Variants in HMCN2 observed in about 807,000 individuals in gnomAD.
HMCN2 encodes the protein hemicentin-2.
HMCN2 carries 325 observed loss-of-function variants against 377.5 expected under a neutral mutation model. The observed-to-expected ratio is 0.86, with a 90% CI of 0.79 to 0.94. The LOEUF (loss-of-function observed/expected upper bound fraction) is 0.94, where lower values mean the gene tolerates loss of function less well. Ranked by LOEUF, HMCN2 falls within the 40% of genes least tolerant of loss-of-function variation. HMCN2 has a pLI of 0.00. For missense variants in HMCN2, 4,543 were observed against 4,725.3 expected (o/e 0.96, Z 1.13); for synonymous variants, 2,007 against 2,046.8 (o/e 0.98, Z 0.53).
intron 4 of HMCN2, among the ~76,000 whole-genome samples, chr9:130,293,791 G>A (rs1004615068): frequency 6.6e-6 from 1 of 152,204 alleles, no homozygotes; most frequent in Non-Finnish European, 1.5e-5. Context: ...GGCCAGTAAG[G>A]ATGAGAAGCC....
chr9:130,425,839 G>A lies in HMCN2; in HGVS notation c.13794G>A (p.Gln4598=), dbSNP rs1844314608. ...GGGGCCCCCAGCCCCAGCTGGTGCA[G>A]CACCTGCGGGCCTCAGCTATCAGCT... is the stretch of plus-strand genomic sequence containing the variant. ...AARGPQPQLV[Q]HLRASAISSA... is the part of the protein sequence containing the mutation. The change falls in exon 90 of 98, where the codon CAG becomes CAA. Residue 4598 remains glutamine (Q), a synonymous_variant. Coordinates refer to ENST00000683500, the MANE Select transcript of HMCN2 (RefSeq NM_001291815.2). 1.9e-6 allele frequency: 3 copies of A among 1,550,470 alleles called. No individual in the cohort carries two copies. The highest frequency in any genetic ancestry group is 2.6e-6 in the Non-Finnish European group (3 of 1,146,970).
chr9:130,405,136 A>G (rs2131730148), intron 81 of HMCN2, 77 bp downstream of exon 81: 2 of 1,024,516 alleles, frequency 2.0e-6, no homozygotes, highest in African/African-American at 3.4e-5. Flanking sequence ...GCTGAGCACT[A>G]TGCAGCCTTT....
In HMCN2 at chr9:130,428,538, G is replaced by A. The variant is rs983096952; in HGVS notation, c.14197+49G>A. ...CTGTCCATACTCCTGGAAACCCAGA[G>A]GTTGCCAGGGATCAGCTGACAGGGG... On this transcript the variant is annotated intron_variant, in intron 93 of 97. Transcript: ENST00000683500. This position sits in a 1 kb window ranked among gnomAD's most constrained non-coding sequence, Gnocchi z 5.0. The A allele has an allele frequency of 1.3e-6, 2 of 1,531,076 alleles. No individual in the cohort carries two copies. The highest frequency in any genetic ancestry group is 2.7e-5 in the African/African-American group (2 of 72,952). 94.8% of individuals were successfully genotyped at this position (1,531,076 alleles called of 1,614,324 possible).
intron 22 of HMCN2, among the ~76,000 whole-genome samples, chr9:130,328,438 GA>G (rs1220872162): frequency 3.9e-5 from 6 of 152,154 alleles, no homozygotes; most frequent in Non-Finnish European, 8.8e-5. Context: ...ACTGAAACGG[GA>G]ACCGCATTCC....
At chr9:130,273,493 T>C (rs2131223953) in intron 1 of HMCN2, among the ~76,000 whole-genome samples, 1 of 152,246 alleles carries the variant, frequency 6.6e-6, no homozygotes, top group Admixed American at 6.5e-5. Context: ...AGTTATCTTG[T>C]CTTGCTTTTT....
At chr9:130,416,342 T>C (rs1426699026) in intron 85 of HMCN2, among the ~76,000 whole-genome samples, 1 of 152,078 alleles carries the variant, frequency 6.6e-6, no homozygotes, top group Non-Finnish European at 1.5e-5. Context: ...TGACTTAAGG[T>C]GATCCACCCG....
chr9:130,412,467 A>T (rs1843471384), intron 85 of HMCN2, among the ~76,000 whole-genome samples: 1 of 151,986 alleles, frequency 6.6e-6, no homozygotes, highest in Non-Finnish European at 1.5e-5. Context: ...AAATTTATCC[A>T]TTGTGTATTT....
At chr9:130,419,428 G>C (rs915869868) in intron 86 of HMCN2, 1 of 167,556 alleles carries the variant, frequency 6.0e-6, no homozygotes, top group Non-Finnish European at 1.3e-5. Context: ...TTGCCTGGCC[G>C]TGGCAGGTGG....
intron 15 of HMCN2, among the ~76,000 whole-genome samples, chr9:130,314,974 G>C (rs1250885426): frequency 6.6e-6 from 1 of 151,882 alleles, no homozygotes; most frequent in Admixed American, 6.5e-5. Flanking sequence ...GCAGGCGCAG[G>C]GGAGTCACCA....
chr9:130,266,276 C>A (rs1554918983), intron 1 of HMCN2, 139 bp downstream of exon 1: 1 of 357,084 alleles, frequency 2.8e-6, no homozygotes, highest in Non-Finnish European at 5.5e-6. Flanking sequence ...TCGGCATATC[C>A]GCGCTGCGGG....
intron 41 of HMCN2, 21 bp downstream of exon 41, chr9:130,364,910 C>A (rs948849623): frequency 6.1e-6 from 6 of 985,578 alleles, no homozygotes; most frequent in Non-Finnish European, 7.2e-6. Context: ...CCCTGGCCAG[C>A]CAAGCAGGCC....
Position 130,359,382 on chromosome 9 carries a change from T to C in HMCN2, c.5741T>C (p.Leu1914Ser), listed in dbSNP as rs1389019834. Residue 1914 changes from leucine to serine, a missense_variant, in exon 37 of 98, where the codon TTG becomes TCG. Physicochemically the swap from Leu to Ser is moderately radical, Grantham distance 145. This residue lies in a region of HMCN2 where 1,032 missense variants were observed against 1,285.1 expected (regional missense o/e 0.80). Coordinates refer to ENST00000683500, the MANE Select transcript of HMCN2 (RefSeq NM_001291815.2). The part of the protein sequence containing the change: ...KAVLENASVT[L>S]ECLASGVPPP... ...GTGCTGGAAAATGCCTCAGTGACCT[T>C]GGAGTGTCTGGCTTCGGGCGTGCCC... 5 of 1,303,718 alleles carry C rather than the reference T, an allele frequency of 3.8e-6. No individual in the cohort carries two copies. In the Admixed American group the frequency reaches 9.2e-5, roughly 24 times the overall value. The allele number at this position is 1,303,718 out of a possible 1,614,324, so 80.8% of individuals were successfully genotyped here.
intron 22 of HMCN2, among the ~76,000 whole-genome samples, chr9:130,335,863 C>T (rs1346161431): frequency 1.5e-4 from 23 of 152,286 alleles, no homozygotes; most frequent in African/African-American, 4.6e-4. Context: ...TCCCTGGAGG[C>T]GGTTCCGCAG....
chr9:130,305,458 A>G (rs1836797262), intron 11 of HMCN2, among the ~76,000 whole-genome samples: 1 of 152,172 alleles, frequency 6.6e-6, no homozygotes, highest in Non-Finnish European at 1.5e-5. Context: ...TGGGAGTTTT[A>G]AGAACCCAGA....
chr9:130,283,963 G>A (rs1835279672), intron 1 of HMCN2, among the ~76,000 whole-genome samples: 1 of 152,196 alleles, frequency 6.6e-6, no homozygotes, highest in Non-Finnish European at 1.5e-5. Flanking sequence ...CATGGTAGGT[G>A]CATGTGTAAC....
chr9:130,385,531 C>T, intron 59 of HMCN2, 29 bp from the exon 60 acceptor site: 1 of 1,284,728 alleles, frequency 7.8e-7, no homozygotes, highest in Non-Finnish European at 1.0e-6. Context: ...ACAGCTGCAG[C>T]ACCTCACTCT....
chr9:130,356,429 G>A (rs1480902130), intron 34 of HMCN2, 172 bp downstream of exon 34: 2 of 360,348 alleles, frequency 5.6e-6, no homozygotes, highest in Non-Finnish European at 7.7e-6. Flanking sequence ...GGCTGGCCGG[G>A]CCACTTATCA....
chr9:130,334,126 G>A (rs1265337439), intron 22 of HMCN2, among the ~76,000 whole-genome samples: 2 of 152,344 alleles, frequency 1.3e-5, no homozygotes, highest in South Asian at 2.1e-4. Context: ...GGGAAGTGCA[G>A]GTGTGTCCCA....
intron 49 of HMCN2, among the ~76,000 whole-genome samples, chr9:130,375,160 G>T (rs1422252590): frequency 1.2e-4 from 18 of 152,228 alleles, no homozygotes; most frequent in Non-Finnish European, 2.5e-4. Flanking sequence ...TCCCCTGCGG[G>T]AGTTGAAAGA....
Sources: allele counts gnomAD v4.1 joint callset (sites outside exome capture counted in the v4.1 genomes callset), GRCh38; gene constraint gnomAD v4.1.1; regional missense constraint gnomAD v4.1.1; non-coding constraint Gnocchi (gnomAD v3.1); transcripts MANE v1.5; gene names NCBI Gene and HGNC (gene_info 2026-07-23, HGNC 2026-07-21).